Variants in ADARB2 observed in about 807,000 individuals in gnomAD.
ADARB2 encodes the protein inactive double-stranded RNA-specific editase B2.
ADARB2 carries 25 observed loss-of-function variants against 62.2 expected under a neutral mutation model. The ratio of observed to expected loss-of-function variants is 0.40; its 90% CI spans 0.29 to 0.56. The LOEUF is 0.56. ADARB2 is among the 20% of genes least tolerant of loss of function. ADARB2 has a pLI of 0.43. For missense variants in ADARB2, 1,071 were observed against 1,077.4 expected, an observed-to-expected ratio of 0.99 and a Z score of 0.08; for synonymous variants, 572 against 500.8, an observed-to-expected ratio of 1.14 and a Z score of -1.90.
In ADARB2 at chr10:1,692,406, A is replaced by G. The variant is rs572778329; in HGVS notation, c.100+44645T>C. Among the ~76,000 whole-genome samples, 4 of 152,290 alleles carry G rather than the reference A, an allele frequency of 2.6e-5. No individual in the cohort carries two copies. In the East Asian group the frequency reaches 7.7e-4, roughly 29 times the overall value. On this transcript the variant is annotated intron_variant, in intron 1 of 9. Coordinates refer to ENST00000381312, the MANE Select transcript of ADARB2 (RefSeq NM_018702.4). ...CGTCACCGGGAGCCTGAGTCCATGG[A>G]GTCATCTGTTCTTGGGCCACTTTTA... is the stretch of plus-strand genomic sequence containing the variant.
chr10:1,733,353 G>T (rs1265538705), intron 1 of ADARB2, among the ~76,000 whole-genome samples: 2 of 152,118 alleles, frequency 1.3e-5, no homozygotes, highest in Non-Finnish European at 2.9e-5. Flanking sequence ...GTAATGGGTA[G>T]AAGATTAAAA....
At chr10:1,344,063 T>G (rs1326111401) in intron 3 of ADARB2, among the ~76,000 whole-genome samples, 1 of 152,218 alleles carries the variant, frequency 6.6e-6, no homozygotes, top group South Asian at 2.1e-4. Flanking sequence ...GAGGCATCTG[T>G]GTGATTGAGC....
rs932050517 is a variant in ADARB2 at position 1,180,253 on chromosome 10, C to T, written c.*2940G>A. 6.6e-5 allele frequency: 10 copies of T among 151,806 alleles called. No individual in the cohort carries two copies. Among genetic ancestry groups the T allele is most frequent in the Admixed American group, 2.6e-4 (4 of 15,252 alleles). 9.4% of individuals were successfully genotyped at this position (151,806 alleles called of 1,614,324 possible). ...CTGTGGGAATCCTGGGACCCGGCCCCCCCAAGCATAGCTGGGGCTGTGGGA... is the reference window on the plus strand; with the variant it reads ...CTGTGGGAATCCTGGGACCCGGCCCTCCCAAGCATAGCTGGGGCTGTGGGA... On this transcript the variant is annotated 3_prime_UTR_variant, in exon 10 of 10. Transcript: ENST00000381312.
intron 1 of ADARB2, among the ~76,000 whole-genome samples, chr10:1,381,508 AAAT>A (rs1368072969): frequency 6.6e-6 from 1 of 152,254 alleles, no homozygotes; most frequent in Non-Finnish European, 1.5e-5. Flanking sequence ...GTCAATGCCC[AAAT>A]AATGGAAACT....
intron 1 of ADARB2, among the ~76,000 whole-genome samples, chr10:1,475,113 G>T (rs769319253): frequency 6.6e-6 from 1 of 152,168 alleles, no homozygotes; most frequent in Non-Finnish European, 1.5e-5. Context: ...AATCAACGCG[G>T]CGTCGTCAAG....
chr10:1,247,673 G>A (rs989179267), intron 4 of ADARB2, among the ~76,000 whole-genome samples: 1 of 152,152 alleles, frequency 6.6e-6, no homozygotes, highest in African/African-American at 2.4e-5. Context: ...GCAAAAACGT[G>A]TCAAAAACAG....
intron 3 of ADARB2, among the ~76,000 whole-genome samples, chr10:1,279,279 G>C (rs1413680847): frequency 1.3e-5 from 2 of 152,106 alleles, no homozygotes; most frequent in Admixed American, 1.3e-4. Context: ...CATGAAGACA[G>C]AGCAGGACCA....
At position 1,181,076 on chromosome 10, in the gene ADARB2, G is replaced by A. The variant is rs952158129; in HGVS notation, c.*2117C>T. ...ATCTGCTTACAACACAGGCCCCCTC[G>A]CTGCAGAAACAGCGTGATTTGGAGC... On this transcript the variant is annotated 3_prime_UTR_variant, in exon 10 of 10. Coordinates refer to ENST00000381312, the MANE Select transcript of ADARB2 (RefSeq NM_018702.4). 15 of 152,210 alleles carry A rather than the reference G, an allele frequency of 9.9e-5. No homozygotes were observed. The highest frequency in any genetic ancestry group is 3.4e-4 in the African/African-American group (14 of 41,454). 9.4% of individuals were successfully genotyped at this position (152,210 alleles called of 1,614,324 possible).
rs773740019 is a variant in ADARB2, at chr10:1,413,114, C to T, written c.101-33954G>A. ...ATGCATACTCTAGAATGGTCTAGAACGGTCTGCAGGCAGGAGACGGGTGTT... is the reference window on the plus strand; with the variant it reads ...ATGCATACTCTAGAATGGTCTAGAATGGTCTGCAGGCAGGAGACGGGTGTT... On this transcript the variant is annotated intron_variant, in intron 1 of 9. Coordinates refer to ENST00000381312, the MANE Select transcript of ADARB2 (RefSeq NM_018702.4). Among the ~76,000 whole-genome samples the T allele has an allele frequency of 1.6e-4, 24 of 152,286 alleles. No homozygotes were observed. The East Asian group carries it at 1.7e-3, about 11-fold the overall frequency.
rs769386303 is a variant in ADARB2, at chr10:1,526,883, C to T, written c.101-147723G>A. 9 of 503,536 alleles carry T rather than the reference C, an allele frequency of 1.8e-5. No homozygotes were observed. The Admixed American group carries it at 1.8e-4, about 10-fold the overall frequency. The allele number at this position is 503,536 out of a possible 1,614,324, so 31.2% of individuals were successfully genotyped here. ...CCACTTCGCTGCTTGCCTCATCAGC[C>T]TCACAGTTCCCCACAGGTGAGTCCT... On this transcript the variant is annotated intron_variant, in intron 1 of 9. Coordinates refer to ENST00000381312, the MANE Select transcript of ADARB2 (RefSeq NM_018702.4).
rs545842666 is a variant in ADARB2, at chr10:1,529,908, C to T, written c.101-150748G>A. Among the ~76,000 whole-genome samples, 13 of 152,344 alleles carry T rather than the reference C, an allele frequency of 8.5e-5. No homozygotes were observed. In the East Asian group the frequency reaches 1.2e-3, roughly 14 times the overall value. On this transcript the variant is annotated intron_variant, in intron 1 of 9. Coordinates refer to ENST00000381312, the MANE Select transcript of ADARB2 (RefSeq NM_018702.4). ...CACTGCCCCCTGCCACCACGGACAC[C>T]CATCCACTGAACCCTGCCACTGCAG...
chr10:1,589,594 A>G (rs975444963), intron 1 of ADARB2, among the ~76,000 whole-genome samples: 9 of 152,312 alleles, frequency 5.9e-5, no homozygotes, highest in African/African-American at 2.2e-4. Flanking sequence ...ATGCTTGTCC[A>G]TGGCCACCCC....
chr10:1,204,801 G>A (rs1036965014), intron 7 of ADARB2, among the ~76,000 whole-genome samples: 1 of 152,238 alleles, frequency 6.6e-6, no homozygotes, highest in Non-Finnish European at 1.5e-5. Context: ...CTGAGCACGG[G>A]TCTGGTGTGC....
chr10:1,221,397 C>T (rs1830693607), intron 6 of ADARB2, among the ~76,000 whole-genome samples: 1 of 140,006 alleles, frequency 7.1e-6, no homozygotes, highest in Admixed American at 7.0e-5. Context: ...TTTAGATGCT[C>T]ATTTCTTTTT....
intron 1 of ADARB2, among the ~76,000 whole-genome samples, chr10:1,412,362 ATG>A (rs1239028531): frequency 6.6e-6 from 1 of 152,010 alleles, no homozygotes; most frequent in African/African-American, 2.4e-5. Context: ...TGATTAAAAG[ATG>A]TGTTTTTTTT....
intron 2 of ADARB2, among the ~76,000 whole-genome samples, chr10:1,375,606 CT>C (rs981283927): frequency 1.3e-5 from 2 of 152,232 alleles, no homozygotes; most frequent in African/African-American, 4.8e-5. Context: ...GAGAACTGTC[CT>C]CGTATTGGAG....
rs1015958339 is a variant in ADARB2 at position 1,676,008 on chromosome 10, T to C, written c.100+61043A>G. ...GCATCCCACCCACCCCCGACTTTGGTAAGAGGCTGTGAGTCAGGGCGCGTT... is the reference window on the plus strand; with the variant it reads ...GCATCCCACCCACCCCCGACTTTGGCAAGAGGCTGTGAGTCAGGGCGCGTT... On this transcript the variant is annotated intron_variant, in intron 1 of 9. Coordinates refer to ENST00000381312, the MANE Select transcript of ADARB2 (RefSeq NM_018702.4). 3.0e-6 allele frequency: 3 copies of C among 985,112 alleles called. No individual in the cohort carries two copies. The African/African-American group carries it at 5.2e-5, about 17-fold the overall frequency. The allele number at this position is 985,112 out of a possible 1,614,324, so 61.0% of individuals were successfully genotyped here.
rs1019107306 is a variant in ADARB2, at chr10:1,286,324, A to C, written c.1078-15255T>G. Among the ~76,000 whole-genome samples the C allele has an allele frequency of 1.3e-5, 2 of 152,178 alleles. 1 individual carries two copies. The highest frequency in any genetic ancestry group is 4.1e-4 in the South Asian group (2 of 4,832). On this transcript the variant is annotated intron_variant, in intron 3 of 9. Transcript: ENST00000381312. ...TGGAAGATGATCTTCCCTGACTTCC[A>C]TCTTCATATCCCTTTGTGTTTCTGT...
chr10:1,592,324 GC>G (rs1833268836), intron 1 of ADARB2, among the ~76,000 whole-genome samples: 2 of 78,028 alleles, frequency 2.6e-5, no homozygotes, highest in African/African-American at 1.0e-4. Context: ...AGCTTCCCTC[GC>G]CCAAGCCACC....
Sources: gnomAD v4.1 joint callset for allele counts (sites outside exome capture counted in the v4.1 genomes callset) on GRCh38, gnomAD v4.1.1 for gene constraint, MANE v1.5 for transcripts, NCBI Gene and HGNC (gene_info 2026-07-23, HGNC 2026-07-21) for gene names.